The following BCL2L12 variants were observed in gnomAD, a reference collection of about 807,000 sequenced individuals.
BCL2L12 encodes the protein bcl-2-like protein 12.
In BCL2L12, 27 loss-of-function variants were observed where a neutral mutation model predicts 25.7. The ratio of observed to expected loss-of-function variants is 1.05; its 90% CI spans 0.78 to 1.45. BCL2L12 has a LOEUF of 1.45. BCL2L12 is among the 40% of genes most tolerant of loss of function. BCL2L12 has a pLI of 0.00. For missense variants in BCL2L12, 302 were observed against 329.8 expected (o/e 0.92, Z 0.65); for synonymous variants, 132 against 145.6 (o/e 0.91, Z 0.67).
At chr19:49,668,595 G>C (rs2081878221) in intron 3 of BCL2L12, among the ~76,000 whole-genome samples, 1 of 151,976 alleles carries the variant, frequency 6.6e-6, no homozygotes, top group Non-Finnish European at 1.5e-5. Context: ...CCTGAGGTCA[G>C]CCTGGGCAAC....
rs201413687 is a variant in BCL2L12 at position 49,667,237 on chromosome 19, G to C, written c.250+76G>C. 6 of 1,565,848 alleles carry C rather than the reference G, an allele frequency of 3.8e-6. No homozygotes were observed. The African/African-American group carries it at 5.4e-5, about 14-fold the overall frequency. On this transcript the variant is annotated intron_variant, in intron 3 of 6. Coordinates refer to ENST00000246784, the MANE Select transcript of BCL2L12 (RefSeq NM_138639.2). Reference sequence around the variant, plus strand: ...TGCTAGTTTAAGATCACTCAGCTAGGGGGTGGCTGTGTGGAGTCTCTAGCA... The same window carrying C: ...TGCTAGTTTAAGATCACTCAGCTAGCGGGTGGCTGTGTGGAGTCTCTAGCA...
chr19:49,665,911 G>C (rs763532112), upstream of BCL2L12: 1 of 1,613,600 alleles, frequency 6.2e-7, no homozygotes, highest in Non-Finnish European at 8.5e-7. Context: ...CATGCAAATT[G>C]AGCGTGCACC....
rs2081987532 is a variant in BCL2L12 at position 49,672,784 on chromosome 19, G to C, written c.703-914G>C. On this transcript the variant is annotated intron_variant, in intron 6 of 6. Coordinates refer to ENST00000246784, the MANE Select transcript of BCL2L12 (RefSeq NM_138639.2). This position sits in a 1 kb window ranked among gnomAD's most constrained non-coding sequence, Gnocchi z 4.1. ...TGGGGAGCAGGACTGGAGGTGGTCC[G>C]GTCTACAGTAAGATCAGAACTCATA... Among the ~76,000 whole-genome samples, 1 of 152,112 alleles carries C rather than the reference G, an allele frequency of 6.6e-6. No homozygotes were observed. Among genetic ancestry groups the C allele is most frequent in the African/African-American group, 2.4e-5 (1 of 41,410 alleles).
Position 49,669,077 on chromosome 19 carries a change from G to A in BCL2L12, c.391G>A (p.Ala131Thr), listed in dbSNP as rs772527764. Residue 131 changes from alanine (A) to threonine (T), a missense_variant, in exon 5 of 7, where the codon GCC becomes ACC. Transcript: ENST00000246784. ...GGAAGCCATACTGCGGAGGCTGGTG[G>A]CCCTGCTGGAGGAGGAGGCAGAAGT... The part of the protein sequence containing the change: ...EKEAILRRLV[A>T]LLEEEAEVIN... 9.3e-6 allele frequency: 15 copies of A among 1,614,038 alleles called. No individual in the cohort carries two copies. The highest frequency in any genetic ancestry group is 1.1e-5 in the Non-Finnish European group (13 of 1,180,026).
chr19:49,665,674 CT>C (rs2081694666), upstream of BCL2L12: 23 of 1,102,712 alleles, frequency 2.1e-5, no homozygotes, highest in Middle Eastern at 1.3e-3. Context: ...GAACCCACCC[CT>C]GTCTTGGAGC....
chr19:49,670,603 C>A, intron 6 of BCL2L12, 115 bp downstream of exon 6: 2 of 1,383,272 alleles, frequency 1.4e-6, no homozygotes, highest in Non-Finnish European at 1.9e-6. Flanking sequence ...CCCAGCTCCA[C>A]TGCGTTCGTT....
chr19:49,669,042 C>T lies in BCL2L12; in HGVS notation c.356C>T (p.Ser119Leu), dbSNP rs1443154833. Residue 119 changes from serine (S) to leucine (L), a missense_variant, in exon 5 of 7, where the codon TCG (serine) becomes TTG (leucine). Coordinates refer to ENST00000246784, the MANE Select transcript of BCL2L12 (RefSeq NM_138639.2). ...CCTCCAGAATTACAGGGTCCCCCAT[C>T]GACAGAGAAGGAAGCCATACTGCGG... is the stretch of plus-strand genomic sequence containing the variant. ...PPSPELQGPP[S>L]TEKEAILRRL... 1.9e-5 allele frequency: 30 copies of T among 1,613,964 alleles called. No individual in the cohort carries two copies. Among genetic ancestry groups the T allele is most frequent in the African/African-American group, 2.7e-5 (2 of 74,924 alleles).
intron 5 of BCL2L12, 155 bp downstream of exon 5, chr19:49,669,270 T>C (rs2081898979): frequency 1.6e-5 from 23 of 1,412,050 alleles, no homozygotes; most frequent in Non-Finnish European, 2.1e-5. Flanking sequence ...GTGTGGTGGC[T>C]CACGCCTGTA....
chr19:49,669,809 T>C lies in BCL2L12; in HGVS notation c.430-407T>C, dbSNP rs979186512. 2.0e-5 allele frequency among the ~76,000 whole-genome samples: 3 copies of C among 152,100 alleles called. No individual in the cohort carries two copies. In the South Asian group the frequency reaches 6.2e-4, roughly 32 times the overall value. On this transcript the variant is annotated intron_variant, in intron 5 of 6. Transcript: ENST00000246784. ...ATGTACTACCAGAGGAGGTGTGGCT[T>C]GTGGCTGTGTCCTGGAATCTGATTG...
chr19:49,667,079 C>T lies in BCL2L12; in HGVS notation c.168C>T (p.Cys56=). The T allele has an allele frequency of 6.2e-7, 1 of 1,614,012 alleles. No individual in the cohort carries two copies. Among genetic ancestry groups the T allele is most frequent in the Non-Finnish European group, 8.5e-7 (1 of 1,180,026 alleles). The change falls in exon 3 of 7, where the codon TGC becomes TGT. Residue 56 remains cysteine, a synonymous_variant. Transcript: ENST00000246784. ...FLSRLRRCLP[C]SLGRGAAPSE... ...GCCGCCTTCGAAGATGTCTTCCCTG[C>T]TCCCTGGGGCGAGGAGCAGCCCCCT...
chr19:49,669,145 A>C, intron 5 of BCL2L12, 30 bp downstream of exon 5: 1 of 1,610,452 alleles, frequency 6.2e-7, no homozygotes, highest in South Asian at 1.1e-5. Context: ...CTCCTTGGCA[A>C]GGACAGGAGT....
intron 6 of BCL2L12, among the ~76,000 whole-genome samples, chr19:49,670,974 C>T (rs1198358710): frequency 1.4e-5 from 2 of 146,456 alleles, no homozygotes; most frequent in South Asian, 2.2e-4. Flanking sequence ...AGCTGGCCAA[C>T]GTGGTGAAAC....
At chr19:49,668,734 TAAATAAA>T in intron 3 of BCL2L12, 110 bp from the exon 4 acceptor site, 1 of 1,053,172 alleles carries the variant, frequency 9.5e-7, no homozygotes, top group South Asian at 1.6e-5. Flanking sequence ...AATCAATACA[TAAATAAA>T]TAATAAATAA....
chr19:49,673,048 C>CA (rs1304257897), intron 6 of BCL2L12, among the ~76,000 whole-genome samples: 1 of 152,094 alleles, frequency 6.6e-6, no homozygotes, highest in African/African-American at 2.4e-5. Context: ...GTAGTTTTAG[C>CA]AGAGACGGGG....
chr19:49,666,982 C>T (rs2081803751), intron 2 of BCL2L12, 37 bp from the exon 3 acceptor site: 4 of 1,604,420 alleles, frequency 2.5e-6, no homozygotes, highest in Admixed American at 1.7e-5. Context: ...TGCAGGGGAT[C>T]TCTGGTGGGG....
chr19:49,673,787 T>G lies in BCL2L12; in HGVS notation c.*39T>G, dbSNP rs777908313. 6.2e-7 allele frequency: 1 copy of G among 1,609,686 alleles called. No individual in the cohort carries two copies. Among genetic ancestry groups the G allele is most frequent in the South Asian group, 1.1e-5 (1 of 91,002 alleles). On this transcript the variant is annotated 3_prime_UTR_variant, in exon 7 of 7. Coordinates refer to ENST00000246784, the MANE Select transcript of BCL2L12 (RefSeq NM_138639.2). ...AGCTGCTACAAGATGACACCTCATG[T>G]CCCTGCCCTCTTCGTGTGCTTTTCC...
intron 1 of BCL2L12, 91 bp from the exon 2 acceptor site, chr19:49,666,594 G>C (rs1368316125): frequency 2.1e-6 from 2 of 975,496 alleles, no homozygotes; most frequent in Admixed American, 2.7e-5. Flanking sequence ...CAGGCCCTCA[G>C]CACCTTCCTT....
At chr19:49,665,629 A>C (rs1339203519), upstream of BCL2L12, 1 of 665,766 alleles carries the variant, frequency 1.5e-6, no homozygotes, top group Non-Finnish European at 2.5e-6. Context: ...CTTCCGCGTT[A>C]CCTACGATGG....
chr19:49,665,812 A>G (rs773766202), upstream of BCL2L12: 9 of 1,579,716 alleles, frequency 5.7e-6, no homozygotes, highest in Non-Finnish European at 6.9e-6. Flanking sequence ...TGGGTAACAG[A>G]CCCAAAAGCC....
Sources: allele counts gnomAD v4.1 joint callset (sites outside exome capture counted in the v4.1 genomes callset), GRCh38; gene constraint gnomAD v4.1.1; non-coding constraint Gnocchi (gnomAD v3.1); transcripts MANE v1.5; gene names NCBI Gene and HGNC (gene_info 2026-07-23, HGNC 2026-07-21).